C18orf63: variants seen among roughly 807,000 people sequenced by gnomAD.
C18orf63 encodes the protein uncharacterized protein C18orf63.
C18orf63 carries 50 observed loss-of-function variants against 75.3 expected under a neutral mutation model. That is an observed-to-expected ratio of 0.66 (90% CI 0.53 to 0.84). The LOEUF is 0.84. Ranked by LOEUF, C18orf63 falls within the 40% of genes least tolerant of loss-of-function variation. The pLI is 0.00. For missense variants in C18orf63, 732 were observed against 800.2 expected (o/e 0.91, Z 1.03); for synonymous variants, 232 against 267.6 (o/e 0.87, Z 1.30).
rs1984010570 is a variant in C18orf63, at chr18:74,315,901, G to T, written c.-241G>T. On this transcript the variant is annotated 5_prime_UTR_variant, in exon 1 of 14. Transcript: ENST00000579455. ...GCGTCTCCTGAGGGCAGCGAGGAGGGAGCTGAGGCACGCGGGCTCTCAATC... is the reference window on the plus strand; with the variant it reads ...GCGTCTCCTGAGGGCAGCGAGGAGGTAGCTGAGGCACGCGGGCTCTCAATC... The T allele has an allele frequency of 6.6e-6, 1 of 152,464 alleles. No individual in the cohort carries two copies. Among genetic ancestry groups the T allele is most frequent in the African/African-American group, 2.4e-5 (1 of 41,442 alleles). 9.4% of individuals were successfully genotyped at this position (152,464 alleles called of 1,614,324 possible).
At chr18:74,341,943 C>T in intron 8 of C18orf63, 89 bp from the exon 9 acceptor site, 1 of 660,632 alleles carries the variant, frequency 1.5e-6, no homozygotes, top group South Asian at 2.1e-5. Flanking sequence ...GTTGTTGAAT[C>T]TTTTTTGAAC....
intron 7 of C18orf63, among the ~76,000 whole-genome samples, chr18:74,336,750 C>T (rs1238497244): frequency 6.6e-6 from 1 of 152,062 alleles, no homozygotes; most frequent in Non-Finnish European, 1.5e-5. Context: ...ATTTATGTGT[C>T]ACCTTCCTCA....
At position 74,317,948 on chromosome 18, in the gene C18orf63, G is replaced by C. The variant is rs1295375599; in HGVS notation, c.83G>C (p.Ser28Thr). Residue 28 changes from serine (S) to threonine (T), a missense_variant, in exon 2 of 14, where the codon AGT (serine) becomes ACT (threonine). Ser to Thr is a moderately conservative substitution (Grantham distance 58, BLOSUM62 1). Coordinates refer to ENST00000579455, the MANE Select transcript of C18orf63 (RefSeq NM_001174123.2). ...CTCTGTGCTGTCAGAATAATACTGA[G>C]TAATAAGGTGGCAGATACTGAGATT... ...NKLCAVRIILSNKVADTEIRT... is the reference protein window; with the variant it reads ...NKLCAVRIILTNKVADTEIRT... The C allele has an allele frequency of 6.5e-7, 1 of 1,532,866 alleles. No individual in the cohort carries two copies. The highest frequency in any genetic ancestry group is 2.5e-5 in the East Asian group (1 of 40,802). The allele number at this position is 1,532,866 out of a possible 1,614,324, so 95.0% of individuals were successfully genotyped here.
intron 7 of C18orf63, among the ~76,000 whole-genome samples, chr18:74,334,901 G>A (rs1256761966): frequency 6.6e-6 from 1 of 152,106 alleles, no homozygotes; most frequent in African/African-American, 2.4e-5. Context: ...GTTTCTCAAA[G>A]ATAGTATGGT....
At chr18:74,352,764 A>T (rs2145132923) in intron 11 of C18orf63, among the ~76,000 whole-genome samples, 1 of 152,348 alleles carries the variant, frequency 6.6e-6, no homozygotes, top group East Asian at 1.9e-4. Context: ...ATGTGCACTA[A>T]AAGATAAGAG....
intron 6 of C18orf63, among the ~76,000 whole-genome samples, chr18:74,329,373 CAAAAA>C (rs5826314): frequency 9.3e-4 from 88 of 94,312 alleles, no homozygotes; most frequent in African/African-American, 2.9e-3. Flanking sequence ...GACCCTATTT[CAAAAA>C]AAAAAAAAAA....
Position 74,317,952 on chromosome 18 carries a change from T to TA in C18orf63, c.89dup (p.Val31GlyfsTer5). ...GTGCTGTCAGAATAATACTGAGTAA[T>TA]AAGGTGGCAGATACTGAGATTAGGA... On this transcript the variant is annotated frameshift_variant, in exon 2 of 14. Transcript: ENST00000579455. LOFTEE classifies it high-confidence loss of function. 1.3e-6 allele frequency: 2 copies of TA among 1,532,724 alleles called. No individual in the cohort carries two copies. Among genetic ancestry groups the TA allele is most frequent in the Non-Finnish European group, 1.7e-6 (2 of 1,144,378 alleles). 94.9% of individuals were successfully genotyped at this position (1,532,724 alleles called of 1,614,324 possible).
chr18:74,324,105 C>T (rs1199413217), intron 4 of C18orf63, among the ~76,000 whole-genome samples: 4 of 152,148 alleles, frequency 2.6e-5, no homozygotes, highest in Admixed American at 6.5e-5. Context: ...AATAAATGTT[C>T]GTAAAGTATA....
At chr18:74,337,883 C>T (rs906217703) in intron 7 of C18orf63, among the ~76,000 whole-genome samples, 2 of 152,046 alleles carry the variant, frequency 1.3e-5, no homozygotes, top group Non-Finnish European at 2.9e-5. Context: ...GCATTAGGAC[C>T]TTATTGGTAG....
rs531722956 is a variant in C18orf63 at position 74,321,562 on chromosome 18, C to T, written c.213+971C>T. 3.3e-5 allele frequency among the ~76,000 whole-genome samples: 5 copies of T among 152,286 alleles called. No homozygotes were observed. The South Asian group carries it at 1.0e-3, about 32-fold the overall frequency. On this transcript the variant is annotated intron_variant, in intron 3 of 13. Transcript: ENST00000579455. Reference sequence around the variant, plus strand: ...TCAAGCAATCCTCCCACCTCGACCTCTCCAAGTGCTTAGATTACAGGCTTG... The same window carrying T: ...TCAAGCAATCCTCCCACCTCGACCTTTCCAAGTGCTTAGATTACAGGCTTG...
chr18:74,338,718 A>G lies in C18orf63; in HGVS notation c.505A>G (p.Lys169Glu), dbSNP rs1984431378. ...CTIRLPAPEL[K>E]EFEISQSIIK... ...CAAATCTTATTTCTATTAAAAGCTA[A>G]AAGAGTTTGAGATTTCCCAGAGTAT... The change falls in exon 8 of 14, where the codon AAA (lysine) becomes GAA (glutamate). Residue 169 changes from lysine (K) to glutamate (E), a missense_variant. Around this residue, in one of 3 missense-constraint regions of C18orf63, gnomAD observed 233 missense variants for 272.7 expected, o/e 0.85. Coordinates refer to ENST00000579455, the MANE Select transcript of C18orf63 (RefSeq NM_001174123.2). 1.5e-6 allele frequency: 2 copies of G among 1,328,766 alleles called. No homozygotes were observed. Among genetic ancestry groups the G allele is most frequent in the South Asian group, 1.8e-5 (1 of 55,406 alleles). 82.3% of individuals were successfully genotyped at this position (1,328,766 alleles called of 1,614,324 possible). A position where few individuals can be genotyped will look rare whatever the true frequency, so the allele number is the denominator to read the frequency against.
chr18:74,353,373 A>G lies in C18orf63; in HGVS notation c.1106A>G (p.Lys369Arg). The G allele has an allele frequency of 6.5e-7, 1 of 1,536,358 alleles. No individual in the cohort carries two copies. ...LLPCSVAVDHKVELSVSQPTS... is the reference protein window; with the variant it reads ...LLPCSVAVDHRVELSVSQPTS... ...CCATGTTCAGTAGCAGTGGACCACA[A>G]GGTGGAGCTTTCAGTCAGCCAGCCA... Residue 369 changes from lysine to arginine, a missense_variant, in exon 12 of 14, where the codon AAG becomes AGG. Transcript: ENST00000579455.
chr18:74,348,640 T>C (rs1984612895), intron 11 of C18orf63, among the ~76,000 whole-genome samples: 1 of 148,774 alleles, frequency 6.7e-6, no homozygotes, highest in African/African-American at 2.4e-5. Context: ...AAGTTGCATT[T>C]GCCAATGACA....
At chr18:74,329,917 C>G (rs918611901) in intron 6 of C18orf63, among the ~76,000 whole-genome samples, 14 of 152,136 alleles carry the variant, frequency 9.2e-5, no homozygotes, top group Admixed American at 5.9e-4. Context: ...TAGCTTTTCA[C>G]ATCATTTGGG....
At chr18:74,317,597 A>G (rs1299967629) in intron 1 of C18orf63, among the ~76,000 whole-genome samples, 1 of 152,224 alleles carries the variant, frequency 6.6e-6, no homozygotes, top group African/African-American at 2.4e-5. Flanking sequence ...TACACATTAA[A>G]TGGGTGAATT....
rs1405606485 is a variant in C18orf63, at chr18:74,343,526, C to T, written c.802C>T (p.Leu268Phe). ...TTCTTTAACATTGTTCAGATATCCTCTCAGTTGCATCAGAAGTCAGCCCAT... is the reference window on the plus strand; with the variant it reads ...TTCTTTAACATTGTTCAGATATCCTTTCAGTTGCATCAGAAGTCAGCCCAT... ...MLGERTFTYP[L>F]SCIRSQPMQF... is the part of the protein sequence containing the mutation. Residue 268 changes from leucine to phenylalanine, a missense_variant, in exon 11 of 14, where the codon CTC becomes TTC. By Grantham distance (22) the Leu-to-Phe change is conservative (BLOSUM62 0). This residue lies in a region of C18orf63 where 495 missense variants were observed against 508.7 expected (regional missense o/e 0.97). Transcript: ENST00000579455. The T allele has an allele frequency of 1.3e-6, 2 of 1,524,788 alleles. No homozygotes were observed. Among genetic ancestry groups the T allele is most frequent in the Admixed American group, 4.1e-5 (2 of 49,234 alleles). 94.5% of individuals were successfully genotyped at this position (1,524,788 alleles called of 1,614,324 possible).
rs1218914655 is a variant in C18orf63 at position 74,342,466 on chromosome 18, T to C, written c.794+140T>C. 7 of 588,828 alleles carry C rather than the reference T, an allele frequency of 1.2e-5. No individual in the cohort carries two copies. In the Admixed American group the frequency reaches 2.1e-4, roughly 17 times the overall value. The allele number at this position is 588,828 out of a possible 1,614,324, so 36.5% of individuals were successfully genotyped here. On this transcript the variant is annotated intron_variant, in intron 10 of 13. Coordinates refer to ENST00000579455, the MANE Select transcript of C18orf63 (RefSeq NM_001174123.2). ...ATGGTACATTTCCTCCTACTTCTTA[T>C]CTGCACAAGTGTTTCTGGTTTGCTT...
At chr18:74,354,298 A>T (rs1312935194) in intron 12 of C18orf63, 30 bp downstream of exon 12, 1 of 1,476,842 alleles carries the variant, frequency 6.8e-7, no homozygotes, top group Admixed American at 2.5e-5. Context: ...GGCACTACTT[A>T]TCATATGCTA....
chr18:74,354,685 A>G, intron 13 of C18orf63, 139 bp downstream of exon 13: 1 of 578,144 alleles, frequency 1.7e-6, no homozygotes, highest in Non-Finnish European at 3.1e-6. Flanking sequence ...GAAATAGGAC[A>G]TGGTGGGAAC....
Sources: gnomAD v4.1 joint callset for allele counts (sites outside exome capture counted in the v4.1 genomes callset) on GRCh38, gnomAD v4.1.1 for gene constraint, gnomAD v4.1.1 regional missense constraint, MANE v1.5 for transcripts, NCBI Gene and HGNC (gene_info 2026-07-23, HGNC 2026-07-21) for gene names.